Variants in ST3GAL1 observed in about 807,000 individuals in gnomAD.
ST3GAL1 encodes the protein CMP-N-acetylneuraminate-beta-galactosamide-alpha-2,3-sialyltransferase 1.
Under a neutral mutation model 34.1 loss-of-function variants are expected in ST3GAL1, and 16 were observed. That is an observed-to-expected ratio of 0.47 (90% CI 0.32 to 0.71). The LOEUF (loss-of-function observed/expected upper bound fraction) is 0.71, where lower values mean the gene tolerates loss of function less well. ST3GAL1 is among the 30% of genes least tolerant of loss of function. The pLI, the probability that ST3GAL1 is intolerant of heterozygous loss-of-function variation, is 0.04. For synonymous variants in ST3GAL1, 191 were observed against 184.7 expected (o/e 1.03, Z -0.28); for missense variants, 353 against 447.4 (o/e 0.79, Z 1.90).
At chr8:133,547,075 G>A (rs1230423247) in intron 1 of ST3GAL1, among the ~76,000 whole-genome samples, 1 of 151,816 alleles carries the variant, frequency 6.6e-6, no homozygotes, top group Non-Finnish European at 1.5e-5. Flanking sequence ...AACCACTGCT[G>A]TCGAAATGGC....
At chr8:133,552,813 A>G (rs1206167713) in intron 1 of ST3GAL1, among the ~76,000 whole-genome samples, 1 of 152,198 alleles carries the variant, frequency 6.6e-6, no homozygotes, top group Non-Finnish European at 1.5e-5. Context: ...AGCTATTATC[A>G]TCAACAATAG....
intron 2 of ST3GAL1, among the ~76,000 whole-genome samples, chr8:133,501,745 G>A (rs971583121): frequency 6.1e-5 from 6 of 98,272 alleles, no homozygotes; most frequent in South Asian, 3.8e-4. Flanking sequence ...GTGAAACTCC[G>A]TCTCAAAACA....
At chr8:133,566,763 A>T (rs1161632646) in intron 1 of ST3GAL1, among the ~76,000 whole-genome samples, 5 of 152,216 alleles carry the variant, frequency 3.3e-5, no homozygotes, top group African/African-American at 1.2e-4. Flanking sequence ...TTATTTTTTT[A>T]AAAAGGCAAA....
intron 3 of ST3GAL1, among the ~76,000 whole-genome samples, chr8:133,482,394 G>A (rs1816426016): frequency 6.6e-6 from 1 of 152,214 alleles, no homozygotes; most frequent in Admixed American, 6.5e-5. Flanking sequence ...ATTCAGAGAA[G>A]AGGATGGGGC....
chr8:133,483,744 C>T (rs571322491), intron 3 of ST3GAL1, among the ~76,000 whole-genome samples: 10 of 151,714 alleles, frequency 6.6e-5, no homozygotes, highest in Non-Finnish European at 1.3e-4. Context: ...GGGGAAATGT[C>T]AGGGTTCCCA....
At chr8:133,569,851 A>C (rs1370017746) in intron 1 of ST3GAL1, among the ~76,000 whole-genome samples, 3 of 152,242 alleles carry the variant, frequency 2.0e-5, no homozygotes, top group Admixed American at 2.0e-4. Flanking sequence ...AAAGAAAATC[A>C]GGAGGCTCCG....
At chr8:133,533,279 C>A (rs1289041023) in intron 2 of ST3GAL1, among the ~76,000 whole-genome samples, 1 of 152,108 alleles carries the variant, frequency 6.6e-6, no homozygotes, top group African/African-American at 2.4e-5. Flanking sequence ...TTGCAGACAC[C>A]CAGGATCTCA....
chr8:133,507,831 G>T (rs1472620882), intron 2 of ST3GAL1, among the ~76,000 whole-genome samples: 1 of 152,172 alleles, frequency 6.6e-6, no homozygotes, highest in Non-Finnish European at 1.5e-5. Context: ...AGGCTACCTG[G>T]AAGGTGCTGG....
intron 2 of ST3GAL1, among the ~76,000 whole-genome samples, chr8:133,541,120 T>TAGAGAGAGAGAGAGAGAGAGAGAGAG (rs1554618899): frequency 6.2e-5 from 3 of 48,642 alleles, no homozygotes; most frequent in South Asian, 8.2e-4. Context: ...TATATATATA[T>TAGAGAGAGAGAGAGAGAGAGAGAGAG]AGAGAGAGAG....
At chr8:133,499,945 A>G (rs1185556500) in intron 2 of ST3GAL1, among the ~76,000 whole-genome samples, 1 of 152,212 alleles carries the variant, frequency 6.6e-6, no homozygotes, top group Non-Finnish European at 1.5e-5. Flanking sequence ...AGTCTGGCAT[A>G]TTCTTCTAAC....
intron 2 of ST3GAL1, among the ~76,000 whole-genome samples, chr8:133,505,355 T>TTG (rs1470128478): frequency 1.3e-5 from 2 of 152,084 alleles, no homozygotes; most frequent in African/African-American, 4.8e-5. Flanking sequence ...TAATAAAAGA[T>TTG]TGTGGTTCCT....
Position 133,461,572 on chromosome 8 carries a change from G to A in ST3GAL1, c.849+303C>T, listed in dbSNP as rs964475935. Among the ~76,000 whole-genome samples the A allele has an allele frequency of 2.0e-5, 3 of 152,090 alleles. No homozygotes were observed. The highest frequency in any genetic ancestry group is 4.8e-5 in the African/African-American group (2 of 41,392). On this transcript the variant is annotated intron_variant, in intron 9 of 9. Coordinates refer to ENST00000522652, the MANE Select transcript of ST3GAL1 (RefSeq NM_173344.3). The surrounding 1 kb of genome is among the most constrained non-coding windows in gnomAD (Gnocchi z 4.7). ...AGAACTGTGGCCTTAGACAACTCTC[G>A]CTATGAGAATCCGCTTCTGTATCCG...
At chr8:133,530,958 C>T (rs12676547) in intron 2 of ST3GAL1, among the ~76,000 whole-genome samples, 11,910 of 152,028 alleles carry the variant, frequency 0.078, 928 homozygotes, top group East Asian at 0.35. Flanking sequence ...TCCGGAGCTC[C>T]GGTGACACAA....
rs1815285445 is a variant in ST3GAL1, at chr8:133,456,039, A to G, written c.*3725T>C. On this transcript the variant is annotated 3_prime_UTR_variant, in exon 10 of 10. Coordinates refer to ENST00000522652, the MANE Select transcript of ST3GAL1 (RefSeq NM_173344.3). Reference sequence around the variant, plus strand: ...CACCTTCTTTTTTTTTTTCCCTCCTATTTTACATTCTATTTTCTCATATCC... The same window carrying G: ...CACCTTCTTTTTTTTTTTCCCTCCTGTTTTACATTCTATTTTCTCATATCC... The G allele has an allele frequency of 6.7e-6, 1 of 148,906 alleles. No individual in the cohort carries two copies. The allele number at this position is 148,906 out of a possible 1,614,324, so 9.2% of individuals were successfully genotyped here. A position where few individuals can be genotyped will look rare whatever the true frequency, so the allele number is the denominator to read the frequency against.
At chr8:133,541,152 G>GAGAGAGAGAGAC (rs1159713676) in intron 2 of ST3GAL1, among the ~76,000 whole-genome samples, 5 of 136,640 alleles carry the variant, frequency 3.7e-5, no homozygotes, top group African/African-American at 1.1e-4. Context: ...GAGAGAGAGA[G>GAGAGAGAGAGAC]ACTGTGTGTC....
chr8:133,476,111 G>A (rs1816167849), intron 4 of ST3GAL1, 37 bp from the exon 5 acceptor site: 2 of 1,431,580 alleles, frequency 1.4e-6, no homozygotes, highest in Admixed American at 2.4e-5. Flanking sequence ...AATCCCAGAG[G>A]TGGAGGCTCA....
intron 3 of ST3GAL1, among the ~76,000 whole-genome samples, chr8:133,484,080 T>G (rs575398215): frequency 8.5e-5 from 13 of 152,282 alleles, no homozygotes; most frequent in Non-Finnish European, 1.6e-4. Flanking sequence ...TTTTTATAGT[T>G]TGCCAAAACA....
chr8:133,516,465 C>T (rs1186933494), intron 2 of ST3GAL1, among the ~76,000 whole-genome samples: 1 of 152,158 alleles, frequency 6.6e-6, no homozygotes, highest in African/African-American at 2.4e-5. Flanking sequence ...TAATACACTC[C>T]CCATCCATTC....
At chr8:133,548,469 C>T (rs185723079) in intron 1 of ST3GAL1, among the ~76,000 whole-genome samples, 44 of 152,360 alleles carry the variant, frequency 2.9e-4, no homozygotes, top group African/African-American at 1.0e-3. Context: ...ACCGCCAACA[C>T]GTTAACTCCA....
Sources: allele counts gnomAD v4.1 joint callset (sites outside exome capture counted in the v4.1 genomes callset), GRCh38; gene constraint gnomAD v4.1.1; non-coding constraint Gnocchi (gnomAD v3.1); transcripts MANE v1.5; gene names NCBI Gene and HGNC (gene_info 2026-07-23, HGNC 2026-07-21).